CRMP1: variants seen among roughly 807,000 people sequenced by gnomAD.
CRMP1 encodes the protein collapsin response mediator protein 1, also known as dihydropyrimidinase-related protein 1.
Under a neutral mutation model 68.3 loss-of-function variants are expected in CRMP1, and 19 were observed. The observed-to-expected ratio is 0.28, with a 90% CI of 0.19 to 0.41. CRMP1 has a LOEUF of 0.41. Ranked by LOEUF, CRMP1 falls within the 10% of genes least tolerant of loss-of-function variation. The pLI is 1.00. For missense variants in CRMP1, 791 were observed against 967.4 expected (o/e 0.82, Z 2.42); for synonymous variants, 439 against 399.6 (o/e 1.10, Z -1.18).
At chr4:5,887,805 G>C in intron 1 of CRMP1, 1 of 992,546 alleles carries the variant, frequency 1.0e-6, no homozygotes, top group Non-Finnish European at 1.2e-6. Flanking sequence ...ACCGGGCTGT[G>C]GGGTGCATGG....
chr4:5,885,092 C>G (rs552827537), intron 1 of CRMP1, among the ~76,000 whole-genome samples: 1 of 151,964 alleles, frequency 6.6e-6, no homozygotes, highest in Non-Finnish European at 1.5e-5. Flanking sequence ...CGTCTCTAAC[C>G]GGCTACTATA....
chr4:5,821,614 T>TAAAC lies in CRMP1; in HGVS notation c.*142_*145dup. 1.3e-6 allele frequency: 1 copy of TAAAC among 788,844 alleles called. No individual in the cohort carries two copies. The highest frequency in any genetic ancestry group is 1.7e-5 in the South Asian group (1 of 57,384). The allele number at this position is 788,844 out of a possible 1,614,324, so 48.9% of individuals were successfully genotyped here. A position where few individuals can be genotyped will look rare whatever the true frequency, so the allele number is the denominator to read the frequency against. The stretch of plus-strand genomic sequence containing the variant: ...ACACCACACTAGTACCACTTCTTCC[T>TAAAC]AAACAGAAAAGGGAAAGAGCATCCT... On this transcript the variant is annotated 3_prime_UTR_variant, in exon 14 of 14. Transcript: ENST00000324989. This position sits in a 1 kb window ranked among gnomAD's most constrained non-coding sequence, Gnocchi z 4.4.
At position 5,889,576 on chromosome 4, in the gene CRMP1, A is replaced by T. The variant is rs985628328; in HGVS notation, c.381+3013T>A. ...AAAGGGGGAGCCCCAGCAAGCCCCA[A>T]CCTCACTGGACAGGTGCCCCAAGTT... On this transcript the variant is annotated intron_variant, in intron 1 of 13. Coordinates refer to ENST00000324989, the MANE Select transcript of CRMP1 (RefSeq NM_001014809.3). This position sits in a 1 kb window ranked among gnomAD's most constrained non-coding sequence, Gnocchi z 4.5. The T allele has an allele frequency of 6.5e-7, 1 of 1,535,952 alleles. No individual in the cohort carries two copies. The highest frequency in any genetic ancestry group is 8.7e-7 in the Non-Finnish European group (1 of 1,146,748).
Position 5,833,463 on chromosome 4 carries a change from G to T in CRMP1, c.1623+2452C>A, listed in dbSNP as rs1363334665. On this transcript the variant is annotated intron_variant, in intron 11 of 13. Coordinates refer to ENST00000324989, the MANE Select transcript of CRMP1 (RefSeq NM_001014809.3). ...TTACAGGCGTGAGCCACCGCGCCCG[G>T]CCCCAGAACTTTTAAGAGATGAAAT... Among the ~76,000 whole-genome samples, 4 of 86,590 alleles carry T rather than the reference G, an allele frequency of 4.6e-5. No individual in the cohort carries two copies. The East Asian group carries it at 1.1e-3, about 24-fold the overall frequency. 56.8% of individuals were successfully genotyped at this position (86,590 alleles called of 152,430 possible).
chr4:5,826,281 G>C (rs1268660185), intron 12 of CRMP1: 1 of 153,034 alleles, frequency 6.5e-6, no homozygotes, highest in African/African-American at 2.4e-5. Context: ...CTTCATGTAT[G>C]TTCTTGTAGA....
chr4:5,863,945 A>T (rs1230955042), intron 2 of CRMP1, among the ~76,000 whole-genome samples: 1 of 152,216 alleles, frequency 6.6e-6, no homozygotes, highest in South Asian at 2.1e-4. Context: ...ACTCAGCTTC[A>T]CAAGTCCGGA....
intron 1 of CRMP1, among the ~76,000 whole-genome samples, chr4:5,886,554 A>G (rs1165966840): frequency 6.6e-6 from 1 of 152,222 alleles, no homozygotes; most frequent in Admixed American, 6.5e-5. Context: ...GGGACTGCAC[A>G]CTTTCAGAGG....
At chr4:5,824,632 A>T (rs934126402) in intron 13 of CRMP1, 1 of 954,850 alleles carries the variant, frequency 1.0e-6, no homozygotes, top group Non-Finnish European at 1.2e-6. Context: ...TAGTTTGTAC[A>T]TTTTCAAATG....
intron 13 of CRMP1, chr4:5,824,324 A>C: frequency 1.0e-6 from 1 of 985,402 alleles, no homozygotes. Flanking sequence ...TTTGTGCAAA[A>C]ATATGAAACA....
intron 11 of CRMP1, among the ~76,000 whole-genome samples, chr4:5,833,777 G>A (rs192395703): frequency 4.6e-5 from 7 of 152,222 alleles, no homozygotes; most frequent in African/African-American, 1.7e-4. Flanking sequence ...GGGTGCGGTG[G>A]CTCACACCTG....
rs987501889 is a variant in CRMP1, at chr4:5,821,792, C to T, written c.2029G>A (p.Gly677Ser). 1.2e-6 allele frequency: 2 copies of T among 1,611,476 alleles called. No homozygotes were observed. Among genetic ancestry groups the T allele is most frequent in the Non-Finnish European group, 1.7e-6 (2 of 1,179,118 alleles). Residue 677 changes from glycine to serine, a missense_variant, in exon 14 of 14, where the codon GGT becomes AGT. By Grantham distance (56) the Gly-to-Ser change is moderately conservative. Coordinates refer to ENST00000324989, the MANE Select transcript of CRMP1 (RefSeq NM_001014809.3). This position sits in a 1 kb window ranked among gnomAD's most constrained non-coding sequence, Gnocchi z 4.4. ...RTGHRIVAPP[G>S]GRSNITSLG ...AGGCTGGTGATGTTGGAGCGGCCAC[C>T]AGGGGGCGCCACGATGCGGTGGCCG... is the stretch of plus-strand genomic sequence containing the variant.
chr4:5,851,844 G>GAAGAGGAGC (rs1712659903), intron 4 of CRMP1, among the ~76,000 whole-genome samples: 1 of 150,852 alleles, frequency 6.6e-6, no homozygotes, highest in African/African-American at 2.4e-5. Context: ...AGAAGGGGAG[G>GAAGAGGAGC]AGGAGGAGGA....
At position 5,842,042 on chromosome 4, in the gene CRMP1, A is replaced by C. The variant is rs566392634; in HGVS notation, c.1033-614T>G. Reference sequence around the variant, plus strand: ...TTCACGAGGTCAGGAGATCGAGACCATCCTGGCTAACACGGTGAAACCCTG... The same window carrying C: ...TTCACGAGGTCAGGAGATCGAGACCCTCCTGGCTAACACGGTGAAACCCTG... On this transcript the variant is annotated intron_variant, in intron 7 of 13. Transcript: ENST00000324989. The surrounding 1 kb of genome is among the most constrained non-coding windows in gnomAD (Gnocchi z 4.5). Among the ~76,000 whole-genome samples the C allele has an allele frequency of 1.3e-5, 2 of 152,350 alleles. No homozygotes were observed. The highest frequency in any genetic ancestry group is 4.8e-5 in the African/African-American group (2 of 41,584).
Position 5,825,556 on chromosome 4 carries a change from G to C in CRMP1, c.1907C>G (p.Ser636Trp). 6.3e-7 allele frequency: 1 copy of C among 1,597,310 alleles called. No individual in the cohort carries two copies. The highest frequency in any genetic ancestry group is 8.5e-7 in the Non-Finnish European group (1 of 1,174,356). Residue 636 changes from serine (S) to tryptophan (W), a missense_variant, in exon 13 of 14, where the codon TCG becomes TGG. Ser to Trp is a radical substitution (Grantham distance 177, BLOSUM62 -3). Coordinates refer to ENST00000324989, the MANE Select transcript of CRMP1 (RefSeq NM_001014809.3). The surrounding 1 kb of genome is among the most constrained non-coding windows in gnomAD (Gnocchi z 4.4). Reference protein sequence around the residue: ...YATPAPSAKSSPSKHQPPPIR... With the variant: ...YATPAPSAKSWPSKHQPPPIR... ...GGGTGGGGGCTGGTGTTTAGAAGGCGAAGATTTGGCTGAAGGAGCGGGAGT... is the reference window on the plus strand; with the variant it reads ...GGGTGGGGGCTGGTGTTTAGAAGGCCAAGATTTGGCTGAAGGAGCGGGAGT...
intron 4 of CRMP1, among the ~76,000 whole-genome samples, chr4:5,851,703 A>G (rs747420368): frequency 2.7e-5 from 4 of 150,612 alleles, no homozygotes; most frequent in African/African-American, 4.9e-5. Context: ...AAGGGAGGAG[A>G]AGGAGGAGGA....
Position 5,860,889 on chromosome 4 carries a change from T to C in CRMP1, c.655+137A>G. 2 of 832,094 alleles carry C rather than the reference T, an allele frequency of 2.4e-6. No individual in the cohort carries two copies. Among genetic ancestry groups the C allele is most frequent in the East Asian group, 2.7e-5 (1 of 36,986 alleles). 51.5% of individuals were successfully genotyped at this position (832,094 alleles called of 1,614,324 possible). ...ATGCTCTGTAAAACAGTGACCTGTG[T>C]CATAGGGCTGGGGGGAGAATGAAAT... On this transcript the variant is annotated intron_variant, in intron 3 of 13. Coordinates refer to ENST00000324989, the MANE Select transcript of CRMP1 (RefSeq NM_001014809.3). This position sits in a 1 kb window ranked among gnomAD's most constrained non-coding sequence, Gnocchi z 4.2.
intron 1 of CRMP1, among the ~76,000 whole-genome samples, chr4:5,878,634 G>A (rs1330921394): frequency 1.3e-5 from 2 of 152,094 alleles, no homozygotes; most frequent in African/African-American, 2.4e-5. Context: ...TGCACCTAAC[G>A]ATATGGGTGC....
intron 1 of CRMP1, among the ~76,000 whole-genome samples, chr4:5,867,053 T>C (rs1714046148): frequency 6.6e-6 from 1 of 152,198 alleles, no homozygotes; most frequent in Admixed American, 6.5e-5. Flanking sequence ...TGTTAACCCA[T>C]TTCCCGTTTG....
At position 5,839,696 on chromosome 4, in the gene CRMP1, T is replaced by TAAAC. The variant is rs35087184; in HGVS notation, c.1154-19_1154-18insGTTT. The TAAAC allele has an allele frequency of 0.48, 765,961 of 1,601,318 alleles. 188,821 individuals carry two copies. Among genetic ancestry groups the TAAAC allele is most frequent in the African/African-American group, 0.77 (57,419 of 74,440 alleles). ...TAGGGGCCCTTAGGAGGGGAAAACA[T>TAAAC]AAGCCTGGTTAAAAGCAAATACTCT... On this transcript the variant is annotated intron_variant, in intron 8 of 13. Transcript: ENST00000324989.
Sources: allele counts gnomAD v4.1 joint callset (sites outside exome capture counted in the v4.1 genomes callset), GRCh38; gene constraint gnomAD v4.1.1; non-coding constraint Gnocchi (gnomAD v3.1); transcripts MANE v1.5; gene names NCBI Gene and HGNC (gene_info 2026-07-23, HGNC 2026-07-21).